The following PELI2 variants were observed in gnomAD, a reference collection of about 807,000 sequenced individuals.
The protein encoded by PELI2 is E3 ubiquitin-protein ligase pellino homolog 2.
A neutral mutation model predicts 42.3 loss-of-function variants in PELI2; 23 were observed. That is an observed-to-expected ratio of 0.54 (90% confidence interval 0.39 to 0.77). The LOEUF (loss-of-function observed/expected upper bound fraction) is 0.77. Among genes scored for constraint, PELI2 ranks in the 30% least tolerant of loss-of-function variants. The probability of loss-of-function intolerance (pLI) is 0.00; values close to 1 mark genes in which losing one functional copy is unlikely to be tolerated. For synonymous variants in PELI2, 245 were observed against 212.2 expected (o/e 1.15, Z -1.34); for missense variants, 463 against 553.2 (o/e 0.84, Z 1.64).
At chr14:56,248,632 A>G (rs984583193) in intron 2 of PELI2, among the ~76,000 whole-genome samples, 6 of 152,074 alleles carry the variant, frequency 3.9e-5, no homozygotes, top group African/African-American at 1.2e-4. Flanking sequence ...GAAGGGTGCC[A>G]TGAGGAGGCC....
chr14:56,129,164 T>A (rs1203018882), intron 1 of PELI2, among the ~76,000 whole-genome samples: 1 of 152,214 alleles, frequency 6.6e-6, no homozygotes, highest in East Asian at 1.9e-4. Context: ...AAGGCATTAT[T>A]GCAGACTCTA....
Position 56,261,547 on chromosome 14 carries a change from C to T in PELI2, c.208-18129C>T, listed in dbSNP as rs143247230. ...TACAAAAGTCCATATAAATTCTGTC[C>T]CCCAAACTTGGAAATTCTTTTGTAA... On this transcript the variant is annotated intron_variant, in intron 2 of 5. Transcript: ENST00000267460. 7.6e-3 allele frequency among the ~76,000 whole-genome samples: 1,150 copies of T among 152,130 alleles called. 20 individuals are homozygous for T. Among genetic ancestry groups the T allele is most frequent in the African/African-American group, 0.026 (1,099 of 41,492 alleles).
intron 2 of PELI2, among the ~76,000 whole-genome samples, chr14:56,200,842 C>T (rs1439273630): frequency 6.6e-6 from 1 of 152,160 alleles, no homozygotes; most frequent in Non-Finnish European, 1.5e-5. Context: ...TTCAAACAAA[C>T]ATTCTGATTG....
Position 56,297,057 on chromosome 14 carries a change from C to G in PELI2, c.1154C>G (p.Pro385Arg), listed in dbSNP as rs942611969. ...TCTGCAAAATACTGGTCTCAGATCC[C>G]GTTGCCTCATGGAACTCATGCATTT... ...EKSAKYWSQI[P>R]LPHGTHAFHA... The change falls in exon 6 of 6, where the codon CCG (proline) becomes CGG (arginine). Residue 385 changes from proline to arginine, a missense_variant. By Grantham distance (103) the Pro-to-Arg change is moderately radical. Transcript: ENST00000267460. 1.2e-6 allele frequency: 2 copies of G among 1,613,238 alleles called. No individual in the cohort carries two copies. Among genetic ancestry groups the G allele is most frequent in the African/African-American group, 2.7e-5 (2 of 74,934 alleles).
intron 4 of PELI2, 96 bp from the exon 5 acceptor site, chr14:56,290,172 C>G (rs956783993): frequency 7.7e-6 from 7 of 910,294 alleles, no homozygotes; most frequent in African/African-American, 6.6e-5. Context: ...CCTTCCTCCC[C>G]TCTGCCTCTA....
chr14:56,176,842 C>T (rs967790335), intron 1 of PELI2, among the ~76,000 whole-genome samples: 2 of 152,202 alleles, frequency 1.3e-5, no homozygotes, highest in Non-Finnish European at 2.9e-5. Flanking sequence ...AAATGTTCCT[C>T]TAAGTTGTTT....
intron 1 of PELI2, among the ~76,000 whole-genome samples, chr14:56,173,185 C>G (rs1238873573): frequency 6.6e-6 from 1 of 152,150 alleles, no homozygotes; most frequent in Non-Finnish European, 1.5e-5. Context: ...GTCACTCTGG[C>G]CAGGCCAGAA....
chr14:56,268,218 G>A (rs1695999129), intron 2 of PELI2, among the ~76,000 whole-genome samples: 1 of 152,102 alleles, frequency 6.6e-6, no homozygotes, highest in Admixed American at 6.6e-5. Context: ...AAGGAATTTT[G>A]CTTTTTCAAC....
At chr14:56,171,281 G>GGTTCCTGATAAAAGGATGA (rs1885159229) in intron 1 of PELI2, among the ~76,000 whole-genome samples, 1 of 152,100 alleles carries the variant, frequency 6.6e-6, no homozygotes, top group Non-Finnish European at 1.5e-5. Context: ...ATCAGGAATG[G>GGTTCCTGATAAAAGGATGA]GTTCCTGATA....
chr14:56,193,207 T>A (rs1382810679), intron 2 of PELI2, among the ~76,000 whole-genome samples: 1 of 152,126 alleles, frequency 6.6e-6, no homozygotes, highest in Non-Finnish European at 1.5e-5. Flanking sequence ...CTTCCCAGAG[T>A]TGGAGGCACA....
chr14:56,145,003 G>A, intron 1 of PELI2: 5 of 978,378 alleles, frequency 5.1e-6, no homozygotes, highest in Non-Finnish European at 6.1e-6. Flanking sequence ...ACCAAAAGGT[G>A]GGTGTTAGGT....
At chr14:56,194,134 T>A (rs1308148432) in intron 2 of PELI2, among the ~76,000 whole-genome samples, 1 of 152,212 alleles carries the variant, frequency 6.6e-6, no homozygotes, top group Non-Finnish European at 1.5e-5. Flanking sequence ...AAAATGCAGC[T>A]GAGTGTCAGA....
chr14:56,199,734 T>C (rs1474432240), intron 2 of PELI2, among the ~76,000 whole-genome samples: 2 of 152,254 alleles, frequency 1.3e-5, no homozygotes, highest in Non-Finnish European at 2.9e-5. Context: ...TAAATTAAAA[T>C]CTGTAAATAT....
chr14:56,296,855 G>A lies in PELI2; in HGVS notation c.952G>A (p.Gly318Arg). 6 of 1,614,108 alleles carry A rather than the reference G, an allele frequency of 3.7e-6. No homozygotes were observed. The highest frequency in any genetic ancestry group is 5.1e-6 in the Non-Finnish European group (6 of 1,180,010). Residue 318 changes from glycine (G) to arginine (R), a missense_variant, in exon 6 of 6, where the codon GGG becomes AGG. Around this residue, in one of 3 missense-constraint regions of PELI2, gnomAD observed 17 missense variants for 45.3 expected, o/e 0.38. Coordinates refer to ENST00000267460, the MANE Select transcript of PELI2 (RefSeq NM_021255.3). Reference sequence around the variant, plus strand: ...ATATCTCAGTTGTGGCCACGTGCACGGGTACCACAACTGGGGCCATCGGAG... The same window carrying A: ...ATATCTCAGTTGTGGCCACGTGCACAGGTACCACAACTGGGGCCATCGGAG... ...WAYLSCGHVH[G>R]YHNWGHRSDT...
chr14:56,282,276 A>G (rs551608446), intron 3 of PELI2, among the ~76,000 whole-genome samples: 4 of 152,280 alleles, frequency 2.6e-5, no homozygotes, highest in African/African-American at 9.6e-5. Context: ...AGCTCCAAAC[A>G]TATTAAATGA....
chr14:56,139,121 G>T (rs561127274), intron 1 of PELI2, among the ~76,000 whole-genome samples: 10 of 152,240 alleles, frequency 6.6e-5, no homozygotes, highest in African/African-American at 2.4e-4. Context: ...CTTGCTTCTC[G>T]CACACCCTAA....
intron 2 of PELI2, among the ~76,000 whole-genome samples, chr14:56,203,421 A>C (rs1886406671): frequency 6.6e-6 from 1 of 152,016 alleles, no homozygotes; most frequent in Non-Finnish European, 1.5e-5. Flanking sequence ...TTGCAAATAT[A>C]CATATCTTTT....
chr14:56,173,185 C>T (rs1238873573), intron 1 of PELI2, among the ~76,000 whole-genome samples: 1 of 152,150 alleles, frequency 6.6e-6, no homozygotes, highest in African/African-American at 2.4e-5. Context: ...GTCACTCTGG[C>T]CAGGCCAGAA....
intron 2 of PELI2, among the ~76,000 whole-genome samples, chr14:56,257,570 G>A (rs889393777): frequency 1.3e-5 from 2 of 152,124 alleles, no homozygotes; most frequent in East Asian, 1.9e-4. Context: ...GAACAGAAGA[G>A]ATTCTAAAAT....
Sources: allele counts gnomAD v4.1 joint callset (sites outside exome capture counted in the v4.1 genomes callset), GRCh38; gene constraint gnomAD v4.1.1; regional missense constraint gnomAD v4.1.1; transcripts MANE v1.5; gene names NCBI Gene and HGNC (gene_info 2026-07-23, HGNC 2026-07-21).